Variants in TMTC2 observed in about 807,000 individuals in gnomAD.
TMTC2 encodes the protein transmembrane O-mannosyltransferase targeting cadherins 2, also known as protein O-mannosyl-transferase TMTC2.
In TMTC2, 43 loss-of-function variants were observed where a neutral mutation model predicts 82.4. The observed-to-expected ratio is 0.52, with a 90% confidence interval of 0.41 to 0.67. The LOEUF (loss-of-function observed/expected upper bound fraction) is 0.67, where lower values mean the gene tolerates loss of function less well. Among genes scored for constraint, TMTC2 ranks in the 30% least tolerant of loss-of-function variants. TMTC2 has a pLI of 0.00. For synonymous variants in TMTC2, 408 were observed against 381.9 expected (o/e 1.07, Z -0.80); for missense variants, 919 against 1,012.4 (o/e 0.91, Z 1.25).
chr12:83,023,817 A>G (rs4387423), intron 8 of TMTC2, among the ~76,000 whole-genome samples: 90,160 of 152,104 alleles, frequency 0.59, 27,259 homozygotes, highest in South Asian at 0.73. Flanking sequence ...AATGAGCTTA[A>G]GTCCTATGAC....
chr12:82,949,356 C>A (rs1877221088), intron 4 of TMTC2, among the ~76,000 whole-genome samples: 1 of 152,114 alleles, frequency 6.6e-6, no homozygotes, highest in Non-Finnish European at 1.5e-5. Context: ...AAAATTCTCC[C>A]AGAGGATGAA....
At chr12:82,891,675 C>A in intron 2 of TMTC2, among the ~76,000 whole-genome samples, 1 of 152,040 alleles carries the variant, frequency 6.6e-6, no homozygotes, top group East Asian at 1.9e-4. Flanking sequence ...CAGTTTCATA[C>A]TTTGGCTTAT....
intron 2 of TMTC2, among the ~76,000 whole-genome samples, chr12:82,884,674 T>G (rs752504734): frequency 2.0e-5 from 3 of 152,192 alleles, no homozygotes; most frequent in Non-Finnish European, 2.9e-5. Context: ...TAAGGCAAAG[T>G]TCCCATACAC....
chr12:83,010,967 T>G (rs1880430076), intron 8 of TMTC2, among the ~76,000 whole-genome samples: 1 of 152,122 alleles, frequency 6.6e-6, no homozygotes, highest in Non-Finnish European at 1.5e-5. Flanking sequence ...CCTGAGTAGC[T>G]GGGATTACAG....
intron 7 of TMTC2, among the ~76,000 whole-genome samples, chr12:82,974,314 A>T (rs1878574590): frequency 6.6e-6 from 1 of 152,196 alleles, no homozygotes; most frequent in Non-Finnish European, 1.5e-5. Flanking sequence ...TGTGGAGTAA[A>T]ACTTTTACTC....
chr12:82,883,561 A>G lies in TMTC2; in HGVS notation c.655-12257A>G, dbSNP rs371299546. 8.2e-4 allele frequency among the ~76,000 whole-genome samples: 125 copies of G among 152,278 alleles called. 2 individuals are homozygous for G. The highest frequency in any genetic ancestry group is 3.0e-3 in the African/African-American group (123 of 41,544). The stretch of plus-strand genomic sequence containing the variant: ...ATAATTTGTCTCTTTATGTTTCCAA[A>G]ATGCTGGGCTCACATGCTTAACTCA... On this transcript the variant is annotated intron_variant, in intron 2 of 11. Transcript: ENST00000321196.
chr12:82,889,183 A>G lies in TMTC2; in HGVS notation c.655-6635A>G, dbSNP rs564932957. ...TCCCAGCTACTCGAGAGGCTGAGGCAGGAGAATCACTTGAATGTGGGAGGC... is the reference window on the plus strand; with the variant it reads ...TCCCAGCTACTCGAGAGGCTGAGGCGGGAGAATCACTTGAATGTGGGAGGC... On this transcript the variant is annotated intron_variant, in intron 2 of 11. Transcript: ENST00000321196. 3.3e-5 allele frequency among the ~76,000 whole-genome samples: 5 copies of G among 151,776 alleles called. No homozygotes were observed. In the South Asian group the frequency reaches 1.0e-3, roughly 32 times the overall value.
chr12:83,045,727 G>GCACACACA (rs71068972), intron 9 of TMTC2, among the ~76,000 whole-genome samples: 30 of 142,538 alleles, frequency 2.1e-4, no homozygotes, highest in South Asian at 1.1e-3. Flanking sequence ...ACACACACAC[G>GCACACACA]CACACACACA....
At chr12:83,009,679 T>A (rs1236905453) in intron 8 of TMTC2, among the ~76,000 whole-genome samples, 1 of 152,176 alleles carries the variant, frequency 6.6e-6, no homozygotes, top group African/African-American at 2.4e-5. Context: ...TCTGCCTTCT[T>A]TGTACTCTTG....
At chr12:82,818,874 G>A (rs1196836667) in intron 1 of TMTC2, among the ~76,000 whole-genome samples, 1 of 152,108 alleles carries the variant, frequency 6.6e-6, no homozygotes, top group Non-Finnish European at 1.5e-5. Flanking sequence ...GTCCAGATGG[G>A]CAGTGATAGA....
intron 1 of TMTC2, among the ~76,000 whole-genome samples, chr12:82,722,665 C>T (rs1440872953): frequency 6.6e-6 from 1 of 151,670 alleles, no homozygotes; most frequent in African/African-American, 2.4e-5. Flanking sequence ...TCACTTGAAC[C>T]TGGGAGGCAG....
At chr12:83,002,291 G>A (rs1427330069) in intron 8 of TMTC2, among the ~76,000 whole-genome samples, 1 of 152,062 alleles carries the variant, frequency 6.6e-6, no homozygotes, top group Non-Finnish European at 1.5e-5. Flanking sequence ...GGGATTGGTT[G>A]TAATGTCATC....
At chr12:82,864,810 T>TA (rs1871753377) in intron 2 of TMTC2, among the ~76,000 whole-genome samples, 1 of 151,888 alleles carries the variant, frequency 6.6e-6, no homozygotes, top group African/African-American at 2.4e-5. Context: ...CTACATTTTT[T>TA]ATCATTAAAT....
intron 4 of TMTC2, among the ~76,000 whole-genome samples, chr12:82,946,278 C>T (rs553178880): frequency 6.6e-6 from 1 of 152,154 alleles, no homozygotes; most frequent in Non-Finnish European, 1.5e-5. Flanking sequence ...TATATATATT[C>T]TTAGTGTCTG....
intron 9 of TMTC2, among the ~76,000 whole-genome samples, chr12:83,045,167 TGAG>T (rs1882040773): frequency 6.6e-6 from 1 of 152,226 alleles, no homozygotes; most frequent in Non-Finnish European, 1.5e-5. Flanking sequence ...CTTTAGCCCA[TGAG>T]GAGATTTTAT....
At chr12:82,715,871 C>G (rs1873871466) in intron 1 of TMTC2, among the ~76,000 whole-genome samples, 1 of 152,068 alleles carries the variant, frequency 6.6e-6, no homozygotes. Flanking sequence ...TAAAAGGTTC[C>G]CTGTGACTGT....
chr12:82,815,451 C>G (rs1182445341), intron 1 of TMTC2, among the ~76,000 whole-genome samples: 1 of 151,694 alleles, frequency 6.6e-6, no homozygotes, highest in African/African-American at 2.4e-5. Flanking sequence ...GCTGGGACTA[C>G]AGGCGCCCGC....
At chr12:82,955,173 C>T (rs1484617723) in intron 4 of TMTC2, among the ~76,000 whole-genome samples, 1 of 152,194 alleles carries the variant, frequency 6.6e-6, no homozygotes, top group African/African-American at 2.4e-5. Flanking sequence ...TGTTTAAAAG[C>T]ATTCCTGGAC....
intron 1 of TMTC2, among the ~76,000 whole-genome samples, chr12:82,724,680 A>G (rs568490844): frequency 6.6e-6 from 1 of 152,246 alleles, no homozygotes; most frequent in African/African-American, 2.4e-5. Flanking sequence ...GACTAATACA[A>G]CTTGGAAAGA....
Sources: allele counts gnomAD v4.1 joint callset (sites outside exome capture counted in the v4.1 genomes callset), GRCh38; gene constraint gnomAD v4.1.1; transcripts MANE v1.5; gene names NCBI Gene and HGNC (gene_info 2026-07-23, HGNC 2026-07-21).